The following EXT1 variants were observed in gnomAD, a reference collection of about 807,000 sequenced individuals.
EXT1 encodes the protein exostosin glycosyltransferase 1, also known as exostosin-1.
Under a neutral mutation model 82.5 loss-of-function variants are expected in EXT1, and 20 were observed. The ratio of observed to expected loss-of-function variants is 0.24; its 90% CI spans 0.17 to 0.35. The LOEUF is 0.35. Ranked by LOEUF, EXT1 falls within the 10% of genes least tolerant of loss-of-function variation. The pLI is 1.00. For missense variants in EXT1, 757 were observed against 936.5 expected (o/e 0.81, Z 2.50); for synonymous variants, 348 against 350.8 (o/e 0.99, Z 0.09).
At chr8:118,007,149 T>C (rs897088798) in intron 1 of EXT1, among the ~76,000 whole-genome samples, 3 of 151,966 alleles carry the variant, frequency 2.0e-5, no homozygotes, top group African/African-American at 4.8e-5. Context: ...TACAAAAAAT[T>C]AGCTGGGCGT....
rs1294776834 is a variant in EXT1, at chr8:117,822,603, A to C, written c.1285-6T>G. The C allele has an allele frequency of 6.2e-7, 1 of 1,612,082 alleles. No individual in the cohort carries two copies. The highest frequency in any genetic ancestry group is 8.5e-7 in the Non-Finnish European group (1 of 1,179,552). On this transcript the variant is annotated splice_polypyrimidine_tract_variant and splice_region_variant and intron_variant, in intron 4 of 10. Coordinates refer to ENST00000378204, the MANE Select transcript of EXT1 (RefSeq NM_000127.3). ...AATATTCTGTCCTGAATAATCTAGA[A>C]AATAAAACATAGCACACAGTGAGGA... is the stretch of plus-strand genomic sequence containing the variant.
chr8:117,948,573 G>C lies in EXT1; in HGVS notation c.963-111372C>G, dbSNP rs180943942. Among the ~76,000 whole-genome samples the C allele has an allele frequency of 2.4e-4, 37 of 152,252 alleles. 1 individual carries two copies. In the East Asian group the frequency reaches 5.6e-3, roughly 23 times the overall value. ...GAACCTAGACTGAATACTTGCTGTGGGAGTTCTCTGTAAAGTTGAAATTTG... is the reference window on the plus strand; with the variant it reads ...GAACCTAGACTGAATACTTGCTGTGCGAGTTCTCTGTAAAGTTGAAATTTG... On this transcript the variant is annotated intron_variant, in intron 1 of 10. Transcript: ENST00000378204.
chr8:117,948,943 A>G (rs1404591034), intron 1 of EXT1, among the ~76,000 whole-genome samples: 1 of 152,246 alleles, frequency 6.6e-6, no homozygotes, highest in Non-Finnish European at 1.5e-5. Context: ...CTGTGTAATT[A>G]AAACACCCAT....
At chr8:118,039,846 G>A (rs1174691006) in intron 1 of EXT1, among the ~76,000 whole-genome samples, 1 of 152,122 alleles carries the variant, frequency 6.6e-6, no homozygotes, top group Non-Finnish European at 1.5e-5. Context: ...AAATAAACAA[G>A]TACATAAACA....
intron 1 of EXT1, among the ~76,000 whole-genome samples, chr8:117,984,818 G>A (rs1389464378): frequency 6.6e-6 from 1 of 152,006 alleles, no homozygotes; most frequent in Non-Finnish European, 1.5e-5. Context: ...AAGTTGGCTG[G>A]GCAAATCTCT....
At chr8:118,098,721 T>A (rs1171663383) in intron 1 of EXT1, among the ~76,000 whole-genome samples, 4 of 145,336 alleles carry the variant, frequency 2.8e-5, no homozygotes, top group African/African-American at 1.0e-4. Context: ...TTCGCACCAC[T>A]GCACCCCAGC....
intron 1 of EXT1, among the ~76,000 whole-genome samples, chr8:118,093,650 G>A (rs1028346415): frequency 2.6e-5 from 4 of 152,112 alleles, no homozygotes; most frequent in African/African-American, 7.2e-5. Flanking sequence ...TGGCCAACAC[G>A]GTATCACAGA....
chr8:118,077,566 A>C (rs959679463), intron 1 of EXT1, among the ~76,000 whole-genome samples: 18 of 152,188 alleles, frequency 1.2e-4, no homozygotes, highest in African/African-American at 4.3e-4. Context: ...GTGCTCAATA[A>C]CATTTGTGGA....
chr8:118,091,953 A>C (rs1817533790), intron 1 of EXT1, among the ~76,000 whole-genome samples: 1 of 152,212 alleles, frequency 6.6e-6, no homozygotes, highest in African/African-American at 2.4e-5. Context: ...TTGGAGACCC[A>C]CTATAAACTC....
chr8:118,030,227 T>A (rs76650696), intron 1 of EXT1, among the ~76,000 whole-genome samples: 3,318 of 151,484 alleles, frequency 0.022, 102 homozygotes, highest in African/African-American at 0.077. Context: ...TAAACTATGT[T>A]TTCCCATACT....
chr8:117,984,746 A>G (rs749839601), intron 1 of EXT1, among the ~76,000 whole-genome samples: 2 of 152,212 alleles, frequency 1.3e-5, no homozygotes, highest in Non-Finnish European at 2.9e-5. Context: ...CTGATGGAGA[A>G]TAACTAGAGG....
intron 1 of EXT1, among the ~76,000 whole-genome samples, chr8:117,874,125 A>C (rs1812924483): frequency 6.6e-6 from 1 of 152,202 alleles, no homozygotes; most frequent in South Asian, 2.1e-4. Flanking sequence ...AACAATGAGA[A>C]ATTCCTAATT....
At chr8:118,088,118 C>T (rs1817457177) in intron 1 of EXT1, among the ~76,000 whole-genome samples, 2 of 152,108 alleles carry the variant, frequency 1.3e-5, no homozygotes, top group Admixed American at 6.5e-5. Context: ...GCACTGAAAA[C>T]ATTCCCAGGC....
intron 1 of EXT1, among the ~76,000 whole-genome samples, chr8:118,044,927 G>A (rs1816598284): frequency 6.6e-6 from 1 of 152,216 alleles, no homozygotes; most frequent in African/African-American, 2.4e-5. Context: ...CTGTGACAGA[G>A]AATGTATGTG....
At chr8:117,983,199 T>C (rs1815244032) in intron 1 of EXT1, among the ~76,000 whole-genome samples, 1 of 152,184 alleles carries the variant, frequency 6.6e-6, no homozygotes, top group Non-Finnish European at 1.5e-5. Flanking sequence ...ATAAAAACTA[T>C]GAGACCAGGC....
At chr8:118,008,184 A>C (rs968109313) in intron 1 of EXT1, among the ~76,000 whole-genome samples, 1 of 151,938 alleles carries the variant, frequency 6.6e-6, no homozygotes, top group African/African-American at 2.4e-5. Flanking sequence ...GTTTGCTCTT[A>C]CTGTGTTAGT....
At chr8:118,110,009 C>G in intron 1 of EXT1, 76 bp downstream of exon 1, 1 of 1,609,870 alleles carries the variant, frequency 6.2e-7, no homozygotes, top group Admixed American at 1.7e-5. Context: ...TCACCCCATC[C>G]CCCAACTTCA....
At chr8:117,946,087 C>T (rs112538081) in intron 1 of EXT1, among the ~76,000 whole-genome samples, 10 of 152,092 alleles carry the variant, frequency 6.6e-5, no homozygotes, top group African/African-American at 2.2e-4. Flanking sequence ...TTAGTAGAGA[C>T]GGGATTTTGC....
intron 1 of EXT1, among the ~76,000 whole-genome samples, chr8:118,011,762 T>C (rs1390282729): frequency 2.0e-5 from 3 of 152,224 alleles, no homozygotes; most frequent in Non-Finnish European, 4.4e-5. Context: ...CGGGCTCCCC[T>C]GTGACATGTC....
Sources: allele counts gnomAD v4.1 joint callset (sites outside exome capture counted in the v4.1 genomes callset), GRCh38; gene constraint gnomAD v4.1.1; transcripts MANE v1.5; gene names NCBI Gene and HGNC (gene_info 2026-07-23, HGNC 2026-07-21).